C9orf40: variants seen among roughly 807,000 people sequenced by gnomAD.
The protein encoded by C9orf40 is uncharacterized protein C9orf40.
A neutral mutation model predicts 7.9 loss-of-function variants in C9orf40; 2 were observed. The observed-to-expected ratio is 0.25, with a 90% CI of 0.10 to 0.80. The LOEUF (loss-of-function observed/expected upper bound fraction) is 0.80. Ranked by LOEUF, C9orf40 falls within the 30% of genes least tolerant of loss-of-function variation. The pLI, the probability that C9orf40 is intolerant of heterozygous loss-of-function variation, is 0.68. For synonymous variants in C9orf40, 113 were observed against 117.6 expected (o/e 0.96, Z 0.25); for missense variants, 256 against 268.5 (o/e 0.95, Z 0.33).
Position 74,952,767 on chromosome 9 carries a change from C to A in C9orf40, c.-156G>T. ...CTGGAGGGGGTAGGGCGGGGCAGCT[C>A]GCGCAGGGCCTAGGGCTGGGGCTCC... On this transcript the variant is annotated 5_prime_UTR_variant, in exon 1 of 2. Coordinates refer to ENST00000376854, the MANE Select transcript of C9orf40 (RefSeq NM_017998.3). The surrounding 1 kb of genome is among the most constrained non-coding windows in gnomAD (Gnocchi z 5.4). 2 of 637,434 alleles carry A rather than the reference C, an allele frequency of 3.1e-6. No individual in the cohort carries two copies. The highest frequency in any genetic ancestry group is 3.2e-5 in the East Asian group (1 of 31,070). 39.5% of individuals were successfully genotyped at this position (637,434 alleles called of 1,614,324 possible).
Position 74,952,698 on chromosome 9 carries a change from T to A in C9orf40, c.-87A>T. The A allele has an allele frequency of 7.8e-7, 1 of 1,281,920 alleles. No homozygotes were observed. The allele number at this position is 1,281,920 out of a possible 1,614,324, so 79.4% of individuals were successfully genotyped here. A position where few individuals can be genotyped will look rare whatever the true frequency, so the allele number is the denominator to read the frequency against. On this transcript the variant is annotated 5_prime_UTR_variant, in exon 1 of 2. Coordinates refer to ENST00000376854, the MANE Select transcript of C9orf40 (RefSeq NM_017998.3). This position sits in a 1 kb window ranked among gnomAD's most constrained non-coding sequence, Gnocchi z 5.4. ...GGGCGAAGAGCGAGGACTGAGCGCG[T>A]GAGAGAGGGACAGGCCGAAGTCGGG...
At chr9:74,950,372 C>T (rs754926403) in intron 1 of C9orf40, among the ~76,000 whole-genome samples, 1 of 152,174 alleles carries the variant, frequency 6.6e-6, no homozygotes, top group Non-Finnish European at 1.5e-5. Context: ...ATAGTATAGA[C>T]AGTGTATTCT....
At chr9:74,951,768 T>A (rs1315928280) in intron 1 of C9orf40, among the ~76,000 whole-genome samples, 4 of 152,310 alleles carry the variant, frequency 2.6e-5, no homozygotes, top group Admixed American at 2.6e-4. Flanking sequence ...AAGAACTCTA[T>A]CCCGAATTCT....
In C9orf40 at chr9:74,952,163, G is replaced by GCCCCCCCCCCCCCCCCC; in HGVS notation, c.426+22_426+23insGGGGGGGGGGGGGGGGG. On this transcript the variant is annotated intron_variant, in intron 1 of 1. Transcript: ENST00000376854. This position sits in a 1 kb window ranked among gnomAD's most constrained non-coding sequence, Gnocchi z 5.4. ...AAAAGGCAAGCCCCTTCGCCCCTCA[G>GCCCCCCCCCCCCCCCCC]CCCACCCGCCCCCAGCCCCTACCTG... 1.4e-4 allele frequency: 50 copies of GCCCCCCCCCCCCCCCCC among 351,682 alleles called. No homozygotes were observed. Among genetic ancestry groups the GCCCCCCCCCCCCCCCCC allele is most frequent in the East Asian group, 3.9e-4 (8 of 20,272 alleles). 21.8% of individuals were successfully genotyped at this position (351,682 alleles called of 1,614,324 possible).
In C9orf40 at chr9:74,952,475, A is replaced by G; in HGVS notation, c.137T>C (p.Leu46Pro). The change falls in exon 1 of 2, where the codon CTC becomes CCC. Residue 46 changes from leucine to proline, a missense_variant. By Grantham distance (98) the Leu-to-Pro change is moderately conservative. Transcript: ENST00000376854. The surrounding 1 kb of genome is among the most constrained non-coding windows in gnomAD (Gnocchi z 5.4). ...TCGGTGCTGCTCTGGGACGCCGAGGAGCTGCCCAGCATGCGCGACCCCGGG... is the reference window on the plus strand; with the variant it reads ...TCGGTGCTGCTCTGGGACGCCGAGGGGCTGCCCAGCATGCGCGACCCCGGG... The part of the protein sequence containing the change: ...RPPGVAHAGQ[L>P]LGVPEQHRKR... 1 of 1,598,660 alleles carries G rather than the reference A, an allele frequency of 6.3e-7. No homozygotes were observed. Among genetic ancestry groups the G allele is most frequent in the East Asian group, 2.2e-5 (1 of 44,672 alleles).
In C9orf40 at chr9:74,947,860, C is replaced by T; in HGVS notation, c.*188G>A. ...ACTTCCCCTACAACTGTACTCTATCCTTGACAAATCCTTATTAAGAGGTTC... is the reference window on the plus strand; with the variant it reads ...ACTTCCCCTACAACTGTACTCTATCTTTGACAAATCCTTATTAAGAGGTTC... On this transcript the variant is annotated 3_prime_UTR_variant, in exon 2 of 2. Coordinates refer to ENST00000376854, the MANE Select transcript of C9orf40 (RefSeq NM_017998.3). The T allele has an allele frequency of 1.9e-6, 1 of 535,802 alleles. No individual in the cohort carries two copies. Among genetic ancestry groups the T allele is most frequent in the Non-Finnish European group, 3.2e-6 (1 of 311,324 alleles). 33.2% of individuals were successfully genotyped at this position (535,802 alleles called of 1,614,324 possible). A position where few individuals can be genotyped will look rare whatever the true frequency, so the allele number is the denominator to read the frequency against.
Position 74,952,163 on chromosome 9 carries a change from G to GGCCCCCCCCC in C9orf40, c.426+22_426+23insGGGGGGGGGC. The GGCCCCCCCCC allele has an allele frequency of 4.8e-5, 17 of 351,714 alleles. No individual in the cohort carries two copies. Among genetic ancestry groups the GGCCCCCCCCC allele is most frequent in the East Asian group, 1.5e-4 (3 of 20,284 alleles). 21.8% of individuals were successfully genotyped at this position (351,714 alleles called of 1,614,324 possible). ...AAAAGGCAAGCCCCTTCGCCCCTCA[G>GGCCCCCCCCC]CCCACCCGCCCCCAGCCCCTACCTG... On this transcript the variant is annotated intron_variant, in intron 1 of 1. Coordinates refer to ENST00000376854, the MANE Select transcript of C9orf40 (RefSeq NM_017998.3). The surrounding 1 kb of genome is among the most constrained non-coding windows in gnomAD (Gnocchi z 5.4).
rs772496503 is a variant in C9orf40, at chr9:74,952,367, G to A, written c.245C>T (p.Pro82Leu). ...KRRDSGDNSA[P>L]SGQEREDHGL... ...GTGGTCCTCACGCTCCTGGCCGCTC[G>A]GGGCGCTGTTGTCCCCGCTGTCACG... Residue 82 changes from proline (P) to leucine (L), a missense_variant, in exon 1 of 2, where the codon CCG (proline) becomes CTG (leucine). Physicochemically the swap from Pro to Leu is moderately conservative, Grantham distance 98. Transcript: ENST00000376854. This position sits in a 1 kb window ranked among gnomAD's most constrained non-coding sequence, Gnocchi z 5.4. The A allele has an allele frequency of 1.9e-6, 3 of 1,557,154 alleles. No homozygotes were observed. The highest frequency in any genetic ancestry group is 1.4e-5 in the African/African-American group (1 of 71,212).
chr9:74,951,963 C>T (rs984174969), intron 1 of C9orf40, among the ~76,000 whole-genome samples: 4 of 152,228 alleles, frequency 2.6e-5, no homozygotes, highest in African/African-American at 9.6e-5. Context: ...TCGCTCCCGA[C>T]CACGGTCTGT....
chr9:74,950,882 T>G (rs1451469975), intron 1 of C9orf40, among the ~76,000 whole-genome samples: 1 of 152,198 alleles, frequency 6.6e-6, no homozygotes, highest in East Asian at 1.9e-4. Context: ...AGACCAAAGC[T>G]GTCCAATAAA....
intron 1 of C9orf40, among the ~76,000 whole-genome samples, chr9:74,948,869 T>C (rs540692044): frequency 6.6e-6 from 1 of 152,306 alleles, no homozygotes; most frequent in African/African-American, 2.4e-5. Context: ...TTTGGGGGAA[T>C]TTCTTAATAT....
chr9:74,950,726 C>T (rs986977121), intron 1 of C9orf40, among the ~76,000 whole-genome samples: 1 of 151,942 alleles, frequency 6.6e-6, no homozygotes, highest in Admixed American at 6.6e-5. Context: ...ACATAAGATA[C>T]TTGAGAAAAT....
chr9:74,947,852 A>T lies in C9orf40; in HGVS notation c.*196T>A. ...CATAAAATACTTCCCCTACAACTGTACTCTATCCTTGACAAATCCTTATTA... is the reference window on the plus strand; with the variant it reads ...CATAAAATACTTCCCCTACAACTGTTCTCTATCCTTGACAAATCCTTATTA... On this transcript the variant is annotated 3_prime_UTR_variant, in exon 2 of 2. Coordinates refer to ENST00000376854, the MANE Select transcript of C9orf40 (RefSeq NM_017998.3). 1 of 499,814 alleles carries T rather than the reference A, an allele frequency of 2.0e-6. No individual in the cohort carries two copies. Among genetic ancestry groups the T allele is most frequent in the Non-Finnish European group, 3.5e-6 (1 of 287,968 alleles). The allele number at this position is 499,814 out of a possible 1,614,324, so 31.0% of individuals were successfully genotyped here. A position where few individuals can be genotyped will look rare whatever the true frequency, so the allele number is the denominator to read the frequency against.
chr9:74,948,542 A>G (rs1832266355), intron 1 of C9orf40, among the ~76,000 whole-genome samples: 1 of 152,198 alleles, frequency 6.6e-6, no homozygotes, highest in East Asian at 1.9e-4. Context: ...CAAGAAGGAA[A>G]AGAAGAATTT....
chr9:74,946,800 T>G lies in C9orf40; in HGVS notation c.*1248A>C, dbSNP rs115436548. 103 of 152,234 alleles carry G rather than the reference T, an allele frequency of 6.8e-4. No homozygotes were observed. Among genetic ancestry groups the G allele is most frequent in the African/African-American group, 2.4e-3 (101 of 41,542 alleles). 9.4% of individuals were successfully genotyped at this position (152,234 alleles called of 1,614,324 possible). A position where few individuals can be genotyped will look rare whatever the true frequency, so the allele number is the denominator to read the frequency against. ...CCTTCATTACACAAAAAAAATCAAG[T>G]TTTTCTCTTTCCCTCTCAATGGCAT... On this transcript the variant is annotated 3_prime_UTR_variant, in exon 2 of 2. Coordinates refer to ENST00000376854, the MANE Select transcript of C9orf40 (RefSeq NM_017998.3).
Position 74,952,533 on chromosome 9 carries a change from G to C in C9orf40, c.79C>G (p.Gln27Glu), listed in dbSNP as rs1367697778. 4.4e-6 allele frequency: 7 copies of C among 1,588,230 alleles called. No individual in the cohort carries two copies. The change falls in exon 1 of 2, where the codon CAG becomes GAG. Residue 27 changes from glutamine to glutamate, a missense_variant. By Grantham distance (29) the Gln-to-Glu change is conservative. Coordinates refer to ENST00000376854, the MANE Select transcript of C9orf40 (RefSeq NM_017998.3). The surrounding 1 kb of genome is among the most constrained non-coding windows in gnomAD (Gnocchi z 5.4). ...KRLLLCDFAE[Q>E]PPPPPLWIRP... The stretch of plus-strand genomic sequence containing the variant: ...ATCCAGAGAGGCGGTGGCGGCGGCT[G>C]CTCAGCGAAGTCGCAAAGCAGGAGC...
intron 1 of C9orf40, among the ~76,000 whole-genome samples, chr9:74,950,702 AT>A (rs1455134338): frequency 6.6e-6 from 1 of 152,118 alleles, no homozygotes; most frequent in East Asian, 1.9e-4. Flanking sequence ...TTGGAAAGGT[AT>A]TTGAAAACCC....
chr9:74,948,289 G>A (rs1274277632), intron 1 of C9orf40, 83 bp from the exon 2 acceptor site: 40 of 898,532 alleles, frequency 4.5e-5, no homozygotes, highest in Non-Finnish European at 6.5e-5. Context: ...TTGTTTTAAA[G>A]GCAAACTCAT....
intron 1 of C9orf40, among the ~76,000 whole-genome samples, chr9:74,949,430 G>T (rs1253400036): frequency 6.6e-6 from 1 of 152,090 alleles, no homozygotes; most frequent in African/African-American, 2.4e-5. Flanking sequence ...TCTACATAGT[G>T]ACACTAACAT....
Sources: allele counts gnomAD v4.1 joint callset (sites outside exome capture counted in the v4.1 genomes callset), GRCh38; gene constraint gnomAD v4.1.1; non-coding constraint Gnocchi (gnomAD v3.1); transcripts MANE v1.5; gene names NCBI Gene and HGNC (gene_info 2026-07-23, HGNC 2026-07-21).